FRMD4B: variants seen among roughly 807,000 people sequenced by gnomAD.
FRMD4B encodes FERM domain-containing protein 4B.
In FRMD4B, 74 loss-of-function variants were observed where a neutral mutation model predicts 141.5. The observed-to-expected ratio is 0.52, with a 90% CI of 0.43 to 0.63. The LOEUF is 0.63. Among genes scored for constraint, FRMD4B ranks in the 30% least tolerant of loss-of-function variants. The pLI, the probability that FRMD4B is intolerant of heterozygous loss-of-function variation, is 0.00. For missense variants in FRMD4B, 1,366 were observed against 1,253.4 expected (o/e 1.09, Z -1.36); for synonymous variants, 506 against 467.9 (o/e 1.08, Z -1.05).
Position 69,218,352 on chromosome 3 carries a change from C to T in FRMD4B, c.759G>A (p.Pro253=), listed in dbSNP as rs981198920. The T allele has an allele frequency of 1.3e-5, 19 of 1,507,418 alleles. No homozygotes were observed. The highest frequency in any genetic ancestry group is 4.5e-5 in the East Asian group (2 of 44,130). The allele number at this position is 1,507,418 out of a possible 1,614,324, so 93.4% of individuals were successfully genotyped here. A position where few individuals can be genotyped will look rare whatever the true frequency, so the allele number is the denominator to read the frequency against. ...VQYMKIVEAL[P]TYGVHYYAVK... is the part of the protein sequence containing the mutation. ...CTGCATAATAATGGACACCGTAAGT[C>T]GGTAGAGCTTCTACTATTTTCATAT... is the stretch of plus-strand genomic sequence containing the variant. The change falls in exon 10 of 23, where the codon CCG becomes CCA. Residue 253 remains proline, a synonymous_variant. Coordinates refer to ENST00000398540, the MANE Select transcript of FRMD4B (RefSeq NM_015123.3).
At chr3:69,375,705 TAGAGTC>T (rs1703954884) in intron 1 of FRMD4B, among the ~76,000 whole-genome samples, 1 of 152,236 alleles carries the variant, frequency 6.6e-6, no homozygotes, top group Non-Finnish European at 1.5e-5. Flanking sequence ...GGCTGAGTGT[TAGAGTC>T]AGCTAGCATG....
At chr3:69,418,822 ATG>A (rs147894176) in intron 2 of FRMD4B, among the ~76,000 whole-genome samples, 88 of 150,278 alleles carry the variant, frequency 5.9e-4, no homozygotes, top group Non-Finnish European at 8.1e-4. Flanking sequence ...CATAGCAACT[ATG>A]TGTGTGTGTG....
chr3:69,439,684 C>T (rs1705314599), intron 1 of FRMD4B, among the ~76,000 whole-genome samples: 1 of 152,196 alleles, frequency 6.6e-6, no homozygotes, highest in Non-Finnish European at 1.5e-5. Context: ...ACAACTTGCT[C>T]TCCAAAGTGC....
chr3:69,326,615 A>G (rs1702201042), intron 1 of FRMD4B, among the ~76,000 whole-genome samples: 2 of 152,192 alleles, frequency 1.3e-5, no homozygotes, highest in South Asian at 4.1e-4. Context: ...AGTTTCCATA[A>G]TCTGAGATTC....
Position 69,198,697 on chromosome 3 carries a change from C to T in FRMD4B, c.953+1G>A. On this transcript the variant is annotated splice_donor_variant, in intron 12 of 22. Transcript: ENST00000398540. LOFTEE classifies it high-confidence loss of function. Reference sequence around the variant, plus strand: ...TACAGAGAAACGTCTTTGATCCTCACCTTCGTGGATCATGAACTTCAACAG... The same window carrying T: ...TACAGAGAAACGTCTTTGATCCTCATCTTCGTGGATCATGAACTTCAACAG... 6.7e-7 allele frequency: 1 copy of T among 1,492,528 alleles called. No homozygotes were observed. The allele number at this position is 1,492,528 out of a possible 1,614,324, so 92.5% of individuals were successfully genotyped here. A position where few individuals can be genotyped will look rare whatever the true frequency, so the allele number is the denominator to read the frequency against.
chr3:69,389,310 C>T (rs191485807), upstream of FRMD4B, among the ~76,000 whole-genome samples: 63 of 152,248 alleles, frequency 4.1e-4, no homozygotes, highest in African/African-American at 1.4e-3. Context: ...GGATTACAGG[C>T]GTGAGCCACT....
chr3:69,283,741 T>G, intron 5 of FRMD4B, among the ~76,000 whole-genome samples: 1 of 152,192 alleles, frequency 6.6e-6, no homozygotes, highest in East Asian at 1.9e-4. Flanking sequence ...AATGCTGTGT[T>G]TGAAAAGCTG....
intron 10 of FRMD4B, among the ~76,000 whole-genome samples, chr3:69,217,295 C>T (rs2093150369): frequency 6.6e-6 from 1 of 152,056 alleles, no homozygotes; most frequent in African/African-American, 2.4e-5. Flanking sequence ...TAGACAGATA[C>T]CTATATGCAC....
At chr3:69,306,168 A>G (rs917072845) in intron 3 of FRMD4B, among the ~76,000 whole-genome samples, 3 of 152,242 alleles carry the variant, frequency 2.0e-5, no homozygotes, top group African/African-American at 7.2e-5. Context: ...CCATAATTCT[A>G]CCACTGAAAT....
intron 7 of FRMD4B, among the ~76,000 whole-genome samples, chr3:69,236,915 A>T (rs1323924485): frequency 6.6e-6 from 1 of 152,254 alleles, no homozygotes; most frequent in East Asian, 1.9e-4. Context: ...CGAAAAACTG[A>T]TTACAGACTG....
At chr3:69,313,975 T>C (rs1454111714) in intron 1 of FRMD4B, among the ~76,000 whole-genome samples, 4 of 146,452 alleles carry the variant, frequency 2.7e-5, no homozygotes, top group African/African-American at 5.1e-5. Flanking sequence ...CCGTCTCTAC[T>C]AAAAATACAA....
rs2093555091 is a variant in FRMD4B at position 69,265,272 on chromosome 3, ATATATATATATATATATATATATATAT to A, written c.502-15200_502-15174del. On this transcript the variant is annotated intron_variant, in intron 5 of 22. Coordinates refer to ENST00000398540, the MANE Select transcript of FRMD4B (RefSeq NM_015123.3). ...TCCATCTCAAAAAAAAAAAAAAAAT[ATATATATATATATATATATATATATAT>A]ATATATATATATATATGCAGATATG... Among the ~76,000 whole-genome samples, 3 of 16,194 alleles carry A rather than the reference ATATATATATATATATATATATATATAT, an allele frequency of 1.9e-4. 1 individual carries two copies. The highest frequency in any genetic ancestry group is 2.6e-4 in the African/African-American group (1 of 3,844). The allele number at this position is 16,194 out of a possible 152,430, so 10.6% of individuals were successfully genotyped here.
chr3:69,334,365 G>T (rs1218855881), intron 1 of FRMD4B: 2 of 150,908 alleles, frequency 1.3e-5, no homozygotes, highest in Non-Finnish European at 2.9e-5. Flanking sequence ...AGGTGCGGTG[G>T]TTCATGCCTA....
intron 1 of FRMD4B, among the ~76,000 whole-genome samples, chr3:69,473,805 G>A (rs893685575): frequency 6.6e-6 from 1 of 152,152 alleles, no homozygotes; most frequent in Non-Finnish European, 1.5e-5. Context: ...GGTTGAAGAA[G>A]TGACCCTACA....
At chr3:69,314,831 T>C (rs1430972696) in intron 1 of FRMD4B, among the ~76,000 whole-genome samples, 1 of 151,990 alleles carries the variant, frequency 6.6e-6, no homozygotes, top group Admixed American at 6.6e-5. Flanking sequence ...AGAGACACTT[T>C]TCCAAAAAAA....
In FRMD4B at chr3:69,291,638, G is replaced by T. The variant is rs375807174; in HGVS notation, c.417-3802C>A. Among the ~76,000 whole-genome samples the T allele has an allele frequency of 9.8e-4, 149 of 152,308 alleles. 3 individuals are homozygous for T. Among genetic ancestry groups the T allele is most frequent in the African/African-American group, 3.4e-3 (140 of 41,574 alleles). On this transcript the variant is annotated intron_variant, in intron 4 of 22. Coordinates refer to ENST00000398540, the MANE Select transcript of FRMD4B (RefSeq NM_015123.3). ...AGGCCAGTCAGCTTCTCACCCTGGA[G>T]AATAAACTTGATTAGAATGACCTAA...
At chr3:69,333,747 A>G (rs1702453739) in intron 1 of FRMD4B, among the ~76,000 whole-genome samples, 2 of 152,164 alleles carry the variant, frequency 1.3e-5, no homozygotes, top group African/African-American at 4.8e-5. Flanking sequence ...TGCTGGCTTC[A>G]TCCATTGTCT....
At chr3:69,422,628 T>C (rs1414268796) in intron 2 of FRMD4B, among the ~76,000 whole-genome samples, 1 of 152,188 alleles carries the variant, frequency 6.6e-6, no homozygotes, top group African/African-American at 2.4e-5. Flanking sequence ...ACTATGGCAA[T>C]TATTCATTTC....
At chr3:69,410,459 AG>A (rs1462866208) in intron 2 of FRMD4B, among the ~76,000 whole-genome samples, 1 of 151,866 alleles carries the variant, frequency 6.6e-6, no homozygotes, top group Non-Finnish European at 1.5e-5. Context: ...TATGTGTGTG[AG>A]TACGTGAGTG....
Sources: allele counts gnomAD v4.1 joint callset (sites outside exome capture counted in the v4.1 genomes callset), GRCh38; gene constraint gnomAD v4.1.1; transcripts MANE v1.5; gene names NCBI Gene and HGNC (gene_info 2026-07-23, HGNC 2026-07-21).